SPTBN1: variants seen among roughly 807,000 people sequenced by gnomAD.
SPTBN1 encodes the protein spectrin beta chain, non-erythrocytic 1.
SPTBN1 carries 32 observed loss-of-function variants against 266.4 expected under a neutral mutation model. That is an observed-to-expected ratio of 0.12 (90% confidence interval 0.09 to 0.16). The LOEUF is 0.16. SPTBN1 is among the 10% of genes least tolerant of loss of function. The pLI is 1.00. For missense variants in SPTBN1, 2,296 were observed against 3,067.1 expected, an observed-to-expected ratio of 0.75 and a Z score of 5.94; for synonymous variants, 1,336 against 1,162.2, an observed-to-expected ratio of 1.15 and a Z score of -3.04.
At position 54,533,563 on chromosome 2, in the gene SPTBN1, G is replaced by A. The variant is rs1396308066; in HGVS notation, c.148+6997G>A. 1.3e-5 allele frequency among the ~76,000 whole-genome samples: 2 copies of A among 152,096 alleles called. No homozygotes were observed. Among genetic ancestry groups the A allele is most frequent in the Non-Finnish European group, 2.9e-5 (2 of 68,006 alleles). On this transcript the variant is annotated intron_variant, in intron 2 of 35. Transcript: ENST00000356805. This position sits in a 1 kb window ranked among gnomAD's most constrained non-coding sequence, Gnocchi z 4.2. ...GAAGTTAGTATAGGCAATGATTGCT[G>A]TAGTAAGATGGAGTTTCGCTCTTGT...
At chr2:54,603,535 GCCT>G (rs1676635812) in intron 3 of SPTBN1, among the ~76,000 whole-genome samples, 2 of 152,140 alleles carry the variant, frequency 1.3e-5, no homozygotes, top group African/African-American at 4.8e-5. Context: ...ACTCTTCAGC[GCCT>G]CCTTTCCCAT....
At chr2:54,643,709 C>T (rs1679732589) in intron 19 of SPTBN1, among the ~76,000 whole-genome samples, 1 of 152,012 alleles carries the variant, frequency 6.6e-6, no homozygotes, top group Non-Finnish European at 1.5e-5. Context: ...GTTGGCAGGG[C>T]ACGGTGGCTC....
At chr2:54,582,071 G>A (rs1254639667) in intron 2 of SPTBN1, among the ~76,000 whole-genome samples, 2 of 152,174 alleles carry the variant, frequency 1.3e-5, no homozygotes, top group African/African-American at 4.8e-5. Context: ...GTCTGGTTAT[G>A]TGTAACTTGA....
chr2:54,527,780 A>ACTGGCGC (rs1213209353), intron 2 of SPTBN1: 1 of 152,218 alleles, frequency 6.6e-6, no homozygotes, highest in Non-Finnish European at 1.5e-5. Context: ...TATCAGTCTC[A>ACTGGCGC]CTGGCGTGAT....
chr2:54,647,339 G>A (rs1372946226), intron 24 of SPTBN1, 78 bp downstream of exon 24: 6 of 1,557,122 alleles, frequency 3.9e-6, no homozygotes, highest in Non-Finnish European at 5.2e-6. Flanking sequence ...CCCACCAAAA[G>A]AAAATGTCAG....
intron 1 of SPTBN1, among the ~76,000 whole-genome samples, chr2:54,471,772 C>G (rs1693929774): frequency 6.9e-6 from 1 of 144,622 alleles, no homozygotes; most frequent in Admixed American, 7.0e-5. Context: ...GAATGTGTTA[C>G]CAAGAGGTGC....
At chr2:54,502,379 C>T (rs1046904614) in intron 1 of SPTBN1, among the ~76,000 whole-genome samples, 1 of 152,084 alleles carries the variant, frequency 6.6e-6, no homozygotes, top group Non-Finnish European at 1.5e-5. Flanking sequence ...TGCACTTTAC[C>T]TGCACGCCCC....
chr2:54,499,486 C>A (rs944946524), intron 1 of SPTBN1, among the ~76,000 whole-genome samples: 1 of 152,084 alleles, frequency 6.6e-6, no homozygotes, highest in African/African-American at 2.4e-5. Context: ...TGGTTGTTTG[C>A]GTGTTGATTT....
At chr2:54,526,724 G>A (rs1002266304) in intron 2 of SPTBN1, 158 bp downstream of exon 2, 2 of 858,080 alleles carry the variant, frequency 2.3e-6, no homozygotes, top group East Asian at 3.0e-5. Context: ...TTATAAGGTA[G>A]TCAGTTCCAT....
intron 2 of SPTBN1, among the ~76,000 whole-genome samples, chr2:54,594,184 A>G (rs573334190): frequency 6.6e-6 from 1 of 152,282 alleles, no homozygotes; most frequent in East Asian, 1.9e-4. Context: ...GATGAGAACC[A>G]GGGCTCTGGA....
chr2:54,595,055 A>C (rs1246398286), intron 2 of SPTBN1, among the ~76,000 whole-genome samples: 1 of 152,174 alleles, frequency 6.6e-6, no homozygotes, highest in African/African-American at 2.4e-5. Flanking sequence ...GCTGGTCTCA[A>C]ACTCCTGACC....
chr2:54,458,600 A>G (rs1693195481), intron 1 of SPTBN1, among the ~76,000 whole-genome samples: 1 of 152,206 alleles, frequency 6.6e-6, no homozygotes, highest in South Asian at 2.1e-4. Context: ...AGAAGGGCAG[A>G]CCACCAAGGC....
Position 54,631,398 on chromosome 2 carries a change from C to T in SPTBN1, c.3351C>T (p.Asp1117=). 5.0e-6 allele frequency: 8 copies of T among 1,614,266 alleles called. No homozygotes were observed. Among genetic ancestry groups the T allele is most frequent in the Non-Finnish European group, 4.2e-6 (5 of 1,180,048 alleles). Residue 1117 remains aspartate, a synonymous_variant, in exon 16 of 36, where the codon GAC becomes GAT. Coordinates refer to ENST00000356805, the MANE Select transcript of SPTBN1 (RefSeq NM_003128.3). ...IKNEIDNYEE[D]YQKMRDMGEM... ...ACGAGATCGACAACTACGAGGAGGA[C>T]TACCAGAAGATGAGGGACATGGGCG...
chr2:54,665,804 G>A (rs766404351), intron 33 of SPTBN1, 111 bp from the exon 34 acceptor site: 45 of 1,249,602 alleles, frequency 3.6e-5, no homozygotes, highest in Non-Finnish European at 5.0e-5. Context: ...GTTGGGTGGG[G>A]TCACACTGTG....
intron 1 of SPTBN1, among the ~76,000 whole-genome samples, chr2:54,490,685 A>C (rs1668640902): frequency 6.6e-6 from 1 of 152,208 alleles, no homozygotes; most frequent in Non-Finnish European, 1.5e-5. Flanking sequence ...CAGTCTGGTC[A>C]ATAGGCATCT....
At chr2:54,596,787 C>T (rs1220856841) in intron 2 of SPTBN1, among the ~76,000 whole-genome samples, 1 of 152,180 alleles carries the variant, frequency 6.6e-6, no homozygotes, top group Non-Finnish European at 1.5e-5. Flanking sequence ...CAGTCTGTTT[C>T]AGCTCTGTTC....
At chr2:54,612,793 T>C (rs146447734) in intron 4 of SPTBN1, among the ~76,000 whole-genome samples, 2 of 152,306 alleles carry the variant, frequency 1.3e-5, no homozygotes, top group Non-Finnish European at 2.9e-5. Flanking sequence ...GGCATGTGTG[T>C]GGGCTCCATT....
Position 54,558,749 on chromosome 2 carries a change from G to T in SPTBN1, c.148+32183G>T, listed in dbSNP as rs201195466. Reference sequence around the variant, plus strand: ...GGGGCTGGAGCGAGATTTCCAGGGCGCAGTCCTCCGGGGCGTTACGCCGGG... The same window carrying T: ...GGGGCTGGAGCGAGATTTCCAGGGCTCAGTCCTCCGGGGCGTTACGCCGGG... On this transcript the variant is annotated intron_variant, in intron 2 of 35. Coordinates refer to ENST00000356805, the MANE Select transcript of SPTBN1 (RefSeq NM_003128.3). This position sits in a 1 kb window ranked among gnomAD's most constrained non-coding sequence, Gnocchi z 4.6. 1.9e-6 allele frequency: 3 copies of T among 1,603,620 alleles called. No homozygotes were observed. The highest frequency in any genetic ancestry group is 1.7e-6 in the Non-Finnish European group (2 of 1,173,256).
At chr2:54,564,772 T>TAA (rs1344076497) in intron 2 of SPTBN1, among the ~76,000 whole-genome samples, 1 of 152,192 alleles carries the variant, frequency 6.6e-6, no homozygotes, top group Non-Finnish European at 1.5e-5. Flanking sequence ...CCCTTCCTTT[T>TAA]AAGATTTGAA....
Sources: allele counts gnomAD v4.1 joint callset (sites outside exome capture counted in the v4.1 genomes callset), GRCh38; gene constraint gnomAD v4.1.1; non-coding constraint Gnocchi (gnomAD v3.1); transcripts MANE v1.5; gene names NCBI Gene and HGNC (gene_info 2026-07-23, HGNC 2026-07-21).